The following TARBP2 variants were observed in gnomAD, a reference collection of about 807,000 sequenced individuals.
The protein encoded by TARBP2 is TARBP2 subunit of RISC loading complex.
Under a neutral mutation model 40.4 loss-of-function variants are expected in TARBP2, and 23 were observed. That is an observed-to-expected ratio of 0.57 (90% CI 0.41 to 0.81). The LOEUF (loss-of-function observed/expected upper bound fraction) is 0.81. TARBP2 is among the 30% of genes least tolerant of loss of function. The pLI is 0.00. For missense variants in TARBP2, 358 were observed against 473.7 expected (o/e 0.76, Z 2.27); for synonymous variants, 183 against 190.5 (o/e 0.96, Z 0.32).
At position 53,504,452 on chromosome 12, in the gene TARBP2, C is replaced by T; in HGVS notation, c.478C>T (p.Pro160Ser). ...PVSPQQSECN[P>S]VGALQELVVQ... ...CTCCCCTCAGCAGTCTGAGTGCAACCCCGTTGGTGCTCTGCAGGTGTGTCC... is the reference window on the plus strand; with the variant it reads ...CTCCCCTCAGCAGTCTGAGTGCAACTCCGTTGGTGCTCTGCAGGTGTGTCC... Residue 160 changes from proline to serine, a missense_variant, in exon 5 of 9, where the codon CCC becomes TCC. Transcript: ENST00000266987. 6 of 1,613,290 alleles carry T rather than the reference C, an allele frequency of 3.7e-6. No individual in the cohort carries two copies. Among genetic ancestry groups the T allele is most frequent in the Non-Finnish European group, 5.1e-6 (6 of 1,179,572 alleles).
rs777612501 is a variant in TARBP2 at position 53,505,678 on chromosome 12, A to T, written c.771A>T (p.Arg257=). The change falls in exon 8 of 9, where the codon CGA becomes CGT. Residue 257 remains arginine, a synonymous_variant. Transcript: ENST00000266987. This position sits in a 1 kb window ranked among gnomAD's most constrained non-coding sequence, Gnocchi z 4.5. The stretch of plus-strand genomic sequence containing the variant: ...TGGGCTCCCGCCTGGATGGTCTTCG[A>T]AACCGGGGCCCAGGTTGCACCTGGG... The part of the protein sequence containing the change: ...IGVGSRLDGL[R]NRGPGCTWDS... The T allele has an allele frequency of 6.2e-6, 10 of 1,613,870 alleles. No homozygotes were observed. The highest frequency in any genetic ancestry group is 7.6e-6 in the Non-Finnish European group (9 of 1,179,956).
chr12:53,501,367 G>A lies in TARBP2; in HGVS notation c.-42G>A, dbSNP rs1325652397. On this transcript the variant is annotated 5_prime_UTR_variant, in exon 1 of 9. Coordinates refer to ENST00000266987, the MANE Select transcript of TARBP2 (RefSeq NM_134323.2). ...CGTCGGCTGTGTATTGGGGCGCGTG[G>A]AGGCTGCAGTCACGGTGGCGCCCGC... 3 of 1,552,354 alleles carry A rather than the reference G, an allele frequency of 1.9e-6. No homozygotes were observed. Among genetic ancestry groups the A allele is most frequent in the Non-Finnish European group, 2.6e-6 (3 of 1,147,572 alleles).
Position 53,505,012 on chromosome 12 carries a change from G to T in TARBP2, c.614-123G>T. ...GGCTGACCAGGTTCTCACGTGCATG[G>T]GCAGGTCTTGAGTTCCCCTTTCCAG... On this transcript the variant is annotated intron_variant, in intron 6 of 8. Coordinates refer to ENST00000266987, the MANE Select transcript of TARBP2 (RefSeq NM_134323.2). The surrounding 1 kb of genome is among the most constrained non-coding windows in gnomAD (Gnocchi z 4.5). 6.7e-7 allele frequency: 1 copy of T among 1,501,214 alleles called. No individual in the cohort carries two copies. The allele number at this position is 1,501,214 out of a possible 1,614,324, so 93.0% of individuals were successfully genotyped here. A position where few individuals can be genotyped will look rare whatever the true frequency, so the allele number is the denominator to read the frequency against.
chr12:53,501,668 C>T, intron 1 of TARBP2: 2 of 1,441,286 alleles, frequency 1.4e-6, no homozygotes, highest in Non-Finnish European at 1.8e-6. Flanking sequence ...CCAGACTGCA[C>T]TGGAACACTG....
chr12:53,504,861 T>C, intron 6 of TARBP2, 46 bp downstream of exon 6: 3 of 1,602,442 alleles, frequency 1.9e-6, no homozygotes, highest in Non-Finnish European at 2.6e-6. Flanking sequence ...CCCGCAGCAC[T>C]CTGGCCCCAG....
chr12:53,504,277 C>T lies in TARBP2; in HGVS notation c.423-120C>T, dbSNP rs950291968. The stretch of plus-strand genomic sequence containing the variant: ...CTAGATGTGTGGACAGACAGCTCCC[C>T]ACCCGGTGGAATCGGGAGATGGTAG... On this transcript the variant is annotated intron_variant, in intron 4 of 8. Transcript: ENST00000266987. 5 of 951,112 alleles carry T rather than the reference C, an allele frequency of 5.3e-6. No homozygotes were observed. The African/African-American group carries it at 6.7e-5, about 13-fold the overall frequency. The allele number at this position is 951,112 out of a possible 1,614,324, so 58.9% of individuals were successfully genotyped here. A position where few individuals can be genotyped will look rare whatever the true frequency, so the allele number is the denominator to read the frequency against.
At chr12:53,503,210 C>T (rs1464721326) in intron 3 of TARBP2, 81 bp downstream of exon 3, 3 of 1,454,368 alleles carry the variant, frequency 2.1e-6, no homozygotes, top group Admixed American at 5.1e-5. Flanking sequence ...GAGGCCTGGC[C>T]AGGTGACACT....
chr12:53,504,126 G>A (rs1307101539), intron 4 of TARBP2: 1 of 573,026 alleles, frequency 1.7e-6, no homozygotes, highest in Non-Finnish European at 3.1e-6. Context: ...TGGAAATACA[G>A]CTCTTCTCCC....
At position 53,501,489 on chromosome 12, in the gene TARBP2, G is replaced by A. The variant is rs1943701534; in HGVS notation, c.53+28G>A. Reference sequence around the variant, plus strand: ...GAGCCGTCTCGTACCGATTCCTTCAGGGCGAAAAGCGTGGGGCCGTGCGGA... The same window carrying A: ...GAGCCGTCTCGTACCGATTCCTTCAAGGCGAAAAGCGTGGGGCCGTGCGGA... On this transcript the variant is annotated intron_variant, in intron 1 of 8. Transcript: ENST00000266987. The A allele has an allele frequency of 7.7e-6, 12 of 1,557,378 alleles. No homozygotes were observed. In the East Asian group the frequency reaches 2.9e-4, roughly 38 times the overall value.
In TARBP2 at chr12:53,503,011, A is replaced by G. The variant is rs1166497248; in HGVS notation, c.224-16A>G. On this transcript the variant is annotated splice_polypyrimidine_tract_variant and intron_variant, in intron 2 of 8. Coordinates refer to ENST00000266987, the MANE Select transcript of TARBP2 (RefSeq NM_134323.2). Reference sequence around the variant, plus strand: ...CTTTCAGTGACCTCCAGTATTGCCCATGCCCCCTCTCTCAGGTCAGGGCCC... The same window carrying G: ...CTTTCAGTGACCTCCAGTATTGCCCGTGCCCCCTCTCTCAGGTCAGGGCCC... 1.9e-6 allele frequency: 3 copies of G among 1,546,660 alleles called. No individual in the cohort carries two copies. Among genetic ancestry groups the G allele is most frequent in the South Asian group, 2.4e-5 (2 of 83,444 alleles).
intron 4 of TARBP2, 147 bp downstream of exon 4, chr12:53,503,955 C>A: frequency 1.5e-6 from 1 of 666,312 alleles, no homozygotes; most frequent in Non-Finnish European, 2.7e-6. Flanking sequence ...TTGAAGAAAT[C>A]ACAGCAGCTG....
Position 53,506,156 on chromosome 12 carries a change from GC to G in TARBP2, c.*9del, listed in dbSNP as rs1303409598. 5 of 1,612,678 alleles carry G rather than the reference GC, an allele frequency of 3.1e-6. No individual in the cohort carries two copies. In the Admixed American group the frequency reaches 5.0e-5, roughly 16 times the overall value. ...ATGGCAGGCAGCAAGTGAAGCCCCA[GC>G]TGGACTCATGGATGTGCACCCTTTG... On this transcript the variant is annotated 3_prime_UTR_variant, in exon 9 of 9. Coordinates refer to ENST00000266987, the MANE Select transcript of TARBP2 (RefSeq NM_134323.2).
intron 1 of TARBP2, 114 bp from the exon 2 acceptor site, chr12:53,501,899 CTG>C: frequency 1.4e-5 from 21 of 1,471,202 alleles, no homozygotes; most frequent in Non-Finnish European, 1.7e-5. Flanking sequence ...GCTAGACTGT[CTG>C]GGGTTCCTTG....
In TARBP2 at chr12:53,502,194, G is replaced by T. The variant is rs1183447296; in HGVS notation, c.223+10G>T. ...GACACCAGCTGCACTGGTGAGGAAGGCTTGGGCAGCCTGGCTGGGGTGTGC... is the reference window on the plus strand; with the variant it reads ...GACACCAGCTGCACTGGTGAGGAAGTCTTGGGCAGCCTGGCTGGGGTGTGC... On this transcript the variant is annotated intron_variant, in intron 2 of 8. Coordinates refer to ENST00000266987, the MANE Select transcript of TARBP2 (RefSeq NM_134323.2). The T allele has an allele frequency of 6.2e-7, 1 of 1,613,940 alleles. No homozygotes were observed. The highest frequency in any genetic ancestry group is 8.5e-7 in the Non-Finnish European group (1 of 1,179,972).
In TARBP2 at chr12:53,501,381, G is replaced by A. The variant is rs1943693989; in HGVS notation, c.-28G>A. On this transcript the variant is annotated 5_prime_UTR_variant, in exon 1 of 9. Transcript: ENST00000266987. ...TGGGGCGCGTGGAGGCTGCAGTCACGGTGGCGCCCGCGGGGACGGAGGAGG... is the reference window on the plus strand; with the variant it reads ...TGGGGCGCGTGGAGGCTGCAGTCACAGTGGCGCCCGCGGGGACGGAGGAGG... 1 of 1,555,646 alleles carries A rather than the reference G, an allele frequency of 6.4e-7. No individual in the cohort carries two copies. The highest frequency in any genetic ancestry group is 1.2e-5 in the South Asian group (1 of 84,384).
chr12:53,501,919 T>G, intron 1 of TARBP2, 96 bp from the exon 2 acceptor site: 1 of 1,520,362 alleles, frequency 6.6e-7, no homozygotes, highest in South Asian at 1.3e-5. Context: ...TTGGACCCTA[T>G]GTCCCCCATA....
rs1943985698 is a variant in TARBP2, at chr12:53,506,333, A to G, written c.*185A>G. ...AGGACCACAGAGCCTCAGCCAGCCC[A>G]GGATCCGTCCTCATTTTATTGGTGA... is the stretch of plus-strand genomic sequence containing the variant. On this transcript the variant is annotated 3_prime_UTR_variant, in exon 9 of 9. Coordinates refer to ENST00000266987, the MANE Select transcript of TARBP2 (RefSeq NM_134323.2). 7.3e-6 allele frequency: 5 copies of G among 686,052 alleles called. No individual in the cohort carries two copies. The highest frequency in any genetic ancestry group is 3.0e-5 in the Admixed American group (1 of 33,636). The allele number at this position is 686,052 out of a possible 1,614,324, so 42.5% of individuals were successfully genotyped here. A position where few individuals can be genotyped will look rare whatever the true frequency, so the allele number is the denominator to read the frequency against.
In TARBP2 at chr12:53,506,169, A is replaced by G. The variant is rs754908800; in HGVS notation, c.*21A>G. 33 of 1,610,260 alleles carry G rather than the reference A, an allele frequency of 2.0e-5. No homozygotes were observed. Among genetic ancestry groups the G allele is most frequent in the Non-Finnish European group, 2.7e-5 (32 of 1,177,888 alleles). On this transcript the variant is annotated 3_prime_UTR_variant, in exon 9 of 9. Coordinates refer to ENST00000266987, the MANE Select transcript of TARBP2 (RefSeq NM_134323.2). ...AGTGAAGCCCCAGCTGGACTCATGGATGTGCACCCTTTGCTCCCTGCTCTT... is the reference window on the plus strand; with the variant it reads ...AGTGAAGCCCCAGCTGGACTCATGGGTGTGCACCCTTTGCTCCCTGCTCTT...
chr12:53,503,650 C>T, intron 3 of TARBP2, 63 bp from the exon 4 acceptor site: 1 of 1,238,546 alleles, frequency 8.1e-7, no homozygotes, highest in Non-Finnish European at 1.2e-6. Context: ...GGACGTGGGT[C>T]CCCCACCCCT....
Sources: gnomAD v4.1 joint callset for allele counts on GRCh38, gnomAD v4.1.1 for gene constraint, Gnocchi (gnomAD v3.1) non-coding constraint, MANE v1.5 for transcripts, NCBI Gene and HGNC (gene_info 2026-07-23, HGNC 2026-07-21) for gene names.